Variants in MAP2K5 observed in about 807,000 individuals in gnomAD.
MAP2K5 encodes mitogen-activated protein kinase kinase 5, also known as dual specificity mitogen-activated protein kinase kinase 5.
A neutral mutation model predicts 83.1 loss-of-function variants in MAP2K5; 49 were observed. The observed-to-expected ratio is 0.59, with a 90% confidence interval of 0.47 to 0.75. The LOEUF (loss-of-function observed/expected upper bound fraction) is 0.75. Ranked by LOEUF, MAP2K5 falls within the 30% of genes least tolerant of loss-of-function variation. MAP2K5 has a pLI of 0.00. For missense variants in MAP2K5, 457 were observed against 557.5 expected (o/e 0.82, Z 1.82); for synonymous variants, 202 against 191.8 (o/e 1.05, Z -0.44).
In MAP2K5 at chr15:67,757,270, G is replaced by T. The variant is rs1375537139; in HGVS notation, c.1134+8669G>T. Among the ~76,000 whole-genome samples, 5 of 152,202 alleles carry T rather than the reference G, an allele frequency of 3.3e-5. No homozygotes were observed. In the East Asian group the frequency reaches 9.7e-4, roughly 29 times the overall value. On this transcript the variant is annotated intron_variant, in intron 19 of 21. Coordinates refer to ENST00000178640, the MANE Select transcript of MAP2K5 (RefSeq NM_145160.3). The surrounding 1 kb of genome is among the most constrained non-coding windows in gnomAD (Gnocchi z 4.9). The stretch of plus-strand genomic sequence containing the variant: ...AAATGTGAGGTGACATTTCATTGTG[G>T]TTTTTATTTGCATAAAAATAGTATT...
intron 8 of MAP2K5, among the ~76,000 whole-genome samples, chr15:67,615,395 G>C (rs1324312809): frequency 2.0e-5 from 3 of 152,184 alleles, no homozygotes; most frequent in Non-Finnish European, 2.9e-5. Context: ...ATTTGAACTA[G>C]TATAGTTTAC....
In MAP2K5 at chr15:67,549,306, A is replaced by G. The variant is rs190205206; in HGVS notation, c.136-728A>G. The stretch of plus-strand genomic sequence containing the variant: ...TATTTAAGCATTGATGTCAGATTAT[A>G]TACCCTTTTTAGATTTTTGTTGTAG... On this transcript the variant is annotated intron_variant, in intron 1 of 21. Transcript: ENST00000178640. 247 of 1,049,276 alleles carry G rather than the reference A, an allele frequency of 2.4e-4. 3 individuals are homozygous for G. In the East Asian group the frequency reaches 6.2e-3, roughly 26 times the overall value. The allele number at this position is 1,049,276 out of a possible 1,614,324, so 65.0% of individuals were successfully genotyped here.
chr15:67,806,954 G>C lies in MAP2K5; in HGVS notation c.*204G>C. On this transcript the variant is annotated 3_prime_UTR_variant, in exon 22 of 22. Transcript: ENST00000178640. ...CACCAGGCCATCCCCATACCTTCTG[G>C]TTTGAAGGCGCTGACACTGGCAGAG... 2 of 1,551,440 alleles carry C rather than the reference G, an allele frequency of 1.3e-6. No individual in the cohort carries two copies. The highest frequency in any genetic ancestry group is 1.4e-5 in the African/African-American group (1 of 73,896).
intron 3 of MAP2K5, among the ~76,000 whole-genome samples, chr15:67,575,482 A>G (rs2085035804): frequency 6.6e-6 from 1 of 152,190 alleles, no homozygotes; most frequent in African/African-American, 2.4e-5. Context: ...CTGAAAGATC[A>G]GAGGATATAA....
chr15:67,582,060 T>C (rs1256703076), intron 4 of MAP2K5, among the ~76,000 whole-genome samples: 1 of 132,144 alleles, frequency 7.6e-6, no homozygotes, highest in African/African-American at 2.8e-5. Context: ...AGATGATTTC[T>C]TTTTTTTTTT....
chr15:67,547,376 G>A (rs756484055), intron 1 of MAP2K5, among the ~76,000 whole-genome samples: 5 of 151,038 alleles, frequency 3.3e-5, no homozygotes, highest in African/African-American at 4.9e-5. Context: ...TCAGATATTT[G>A]TCTGATTTAT....
chr15:67,613,501 T>C (rs2085980763), intron 8 of MAP2K5, among the ~76,000 whole-genome samples: 1 of 152,224 alleles, frequency 6.6e-6, no homozygotes, highest in Non-Finnish European at 1.5e-5. Flanking sequence ...AGCTTAGTTT[T>C]AAACACTGTA....
Position 67,652,366 on chromosome 15 carries a change from T to C in MAP2K5, c.736+5897T>C, listed in dbSNP as rs1160608116. Among the ~76,000 whole-genome samples the C allele has an allele frequency of 2.6e-5, 4 of 152,222 alleles. No individual in the cohort carries two copies. Among genetic ancestry groups the C allele is most frequent in the Non-Finnish European group, 4.4e-5 (3 of 68,038 alleles). On this transcript the variant is annotated intron_variant, in intron 11 of 21. Coordinates refer to ENST00000178640, the MANE Select transcript of MAP2K5 (RefSeq NM_145160.3). The surrounding 1 kb of genome is among the most constrained non-coding windows in gnomAD (Gnocchi z 4.2). ...AAGAAAAGTGGTTTATTTGGCTTATTATTTTGCAGGCTGTATAAGAAACAT... is the reference window on the plus strand; with the variant it reads ...AAGAAAAGTGGTTTATTTGGCTTATCATTTTGCAGGCTGTATAAGAAACAT...
chr15:67,549,027 G>C (rs1213226747), intron 1 of MAP2K5: 12 of 1,460,550 alleles, frequency 8.2e-6, no homozygotes, highest in Non-Finnish European at 1.1e-5. Flanking sequence ...TAAGTGCCCT[G>C]CTTGGAAAGG....
intron 8 of MAP2K5, among the ~76,000 whole-genome samples, chr15:67,627,569 C>T (rs917311300): frequency 6.6e-6 from 1 of 152,146 alleles, no homozygotes; most frequent in Non-Finnish European, 1.5e-5. Context: ...GTTTCCTAGT[C>T]TTGCCTGAAT....
chr15:67,558,507 A>C (rs2084671439), intron 2 of MAP2K5, among the ~76,000 whole-genome samples: 2 of 152,214 alleles, frequency 1.3e-5, no homozygotes, highest in Admixed American at 1.3e-4. Context: ...TTTAGAAGTC[A>C]GGTGACACCA....
At chr15:67,630,247 C>T (rs1030856831) in intron 8 of MAP2K5, among the ~76,000 whole-genome samples, 3 of 152,120 alleles carry the variant, frequency 2.0e-5, no homozygotes, top group Non-Finnish European at 4.4e-5. Context: ...CAGTCAGTCA[C>T]TCAATCAGAT....
chr15:67,777,351 A>G lies in MAP2K5; in HGVS notation c.1242+4599A>G, dbSNP rs2090257228. ...CTTTCTATGCATTTAGAGTGTTTCC[A>G]GAAGCTTTCAGTGTCTAAGCTCTAT... On this transcript the variant is annotated intron_variant, in intron 21 of 21. Transcript: ENST00000178640. This position sits in a 1 kb window ranked among gnomAD's most constrained non-coding sequence, Gnocchi z 6.0. Among the ~76,000 whole-genome samples, 1 of 152,212 alleles carries G rather than the reference A, an allele frequency of 6.6e-6. No individual in the cohort carries two copies. The highest frequency in any genetic ancestry group is 1.5e-5 in the Non-Finnish European group (1 of 68,038).
chr15:67,748,605 A>T lies in MAP2K5; in HGVS notation c.1134+4A>T. The T allele has an allele frequency of 6.2e-7, 1 of 1,613,742 alleles. No individual in the cohort carries two copies. The highest frequency in any genetic ancestry group is 8.5e-7 in the Non-Finnish European group (1 of 1,179,736). ...TCTGCAGTGCATTGTTGATGAGGTG[A>T]GGCATCGTCTTATGTGCTTTCACTC... On this transcript the variant is annotated splice_donor_region_variant and intron_variant, in intron 19 of 21. Transcript: ENST00000178640. This position sits in a 1 kb window ranked among gnomAD's most constrained non-coding sequence, Gnocchi z 4.0.
At chr15:67,575,755 T>C (rs2085042147) in intron 3 of MAP2K5, among the ~76,000 whole-genome samples, 1 of 152,018 alleles carries the variant, frequency 6.6e-6, no homozygotes, top group South Asian at 2.1e-4. Context: ...ACTTATAGAA[T>C]AGGATAGGAT....
intron 16 of MAP2K5, among the ~76,000 whole-genome samples, chr15:67,711,181 C>T (rs2088683413): frequency 2.0e-5 from 3 of 152,214 alleles, no homozygotes; most frequent in Admixed American, 2.0e-4. Context: ...AGTGGGCACT[C>T]AGTAAATCTT....
intron 16 of MAP2K5, among the ~76,000 whole-genome samples, chr15:67,715,212 C>T (rs1051428139): frequency 1.3e-5 from 2 of 150,740 alleles, no homozygotes; most frequent in African/African-American, 4.9e-5. Flanking sequence ...TGATTTTTTT[C>T]CACTGTCTTT....
intron 8 of MAP2K5, among the ~76,000 whole-genome samples, chr15:67,623,247 A>G (rs1334597875): frequency 1.3e-5 from 2 of 152,222 alleles, no homozygotes; most frequent in Non-Finnish European, 2.9e-5. Flanking sequence ...TAACACCTGA[A>G]TGGCGTACTT....
chr15:67,589,294 A>G (rs1378977397), intron 6 of MAP2K5, among the ~76,000 whole-genome samples: 1 of 152,172 alleles, frequency 6.6e-6, no homozygotes, highest in African/African-American at 2.4e-5. Context: ...GTTGATAGCC[A>G]GATACTAGCA....
Sources: gnomAD v4.1 joint callset for allele counts (sites outside exome capture counted in the v4.1 genomes callset) on GRCh38, gnomAD v4.1.1 for gene constraint, Gnocchi (gnomAD v3.1) non-coding constraint, MANE v1.5 for transcripts, NCBI Gene and HGNC (gene_info 2026-07-23, HGNC 2026-07-21) for gene names.